SBF2: variants seen among roughly 807,000 people sequenced by gnomAD.
SBF2 encodes the protein myotubularin-related protein 13.
In SBF2, 112 loss-of-function variants were observed where a neutral mutation model predicts 225.2. The observed-to-expected ratio is 0.50, with a 90% confidence interval of 0.43 to 0.58. The LOEUF is 0.58. Ranked by LOEUF, SBF2 falls within the 20% of genes least tolerant of loss-of-function variation. SBF2 has a pLI of 0.00. For missense variants in SBF2, 1,996 were observed against 2,206.2 expected (o/e 0.90, Z 1.91); for synonymous variants, 763 against 773.3 (o/e 0.99, Z 0.22).
At chr11:9,950,518 G>C (rs1865798310) in intron 16 of SBF2, among the ~76,000 whole-genome samples, 1 of 152,182 alleles carries the variant, frequency 6.6e-6, no homozygotes, top group African/African-American at 2.4e-5. Flanking sequence ...AAAAAATACA[G>C]ATGTGTAAGC....
At chr11:9,783,097 G>C (rs1299022688) in intron 38 of SBF2, 1 of 119,676 alleles carries the variant, frequency 8.4e-6, no homozygotes, top group Non-Finnish European at 1.9e-5. Flanking sequence ...TGTTAAAGAA[G>C]TCCAGAAGAC....
intron 16 of SBF2, among the ~76,000 whole-genome samples, chr11:9,910,890 C>CAAAA (rs68011518): frequency 0.12 from 10,774 of 93,250 alleles, 693 homozygotes; most frequent in Non-Finnish European, 0.16. Flanking sequence ...TACTAAAATA[C>CAAAA]AAAAAAAAAA....
chr11:10,158,558 T>C (rs1053356267), intron 2 of SBF2, among the ~76,000 whole-genome samples: 2 of 152,056 alleles, frequency 1.3e-5, no homozygotes, highest in Non-Finnish European at 2.9e-5. Context: ...TGCAAACAAA[T>C]TGAATAACCT....
chr11:9,785,570 A>C (rs2133850797), intron 36 of SBF2, among the ~76,000 whole-genome samples: 1 of 152,288 alleles, frequency 6.6e-6, no homozygotes, highest in Admixed American at 6.5e-5. Flanking sequence ...TTAAAAAATG[A>C]TGCTGCTATG....
At chr11:10,095,739 C>T (rs1951990463) in intron 2 of SBF2, among the ~76,000 whole-genome samples, 1 of 152,144 alleles carries the variant, frequency 6.6e-6, no homozygotes, top group African/African-American at 2.4e-5. Flanking sequence ...ATTTTAATCA[C>T]ACATACTGAT....
chr11:9,814,062 T>C (rs1239756577), intron 29 of SBF2, among the ~76,000 whole-genome samples: 1 of 152,244 alleles, frequency 6.6e-6, no homozygotes, highest in African/African-American at 2.4e-5. Context: ...CTCATTTACA[T>C]CTTTAATCCT....
chr11:9,904,488 A>G (rs1861968948), intron 16 of SBF2, among the ~76,000 whole-genome samples: 1 of 152,234 alleles, frequency 6.6e-6, no homozygotes. Context: ...AAAAACAGAT[A>G]AATTTACAAT....
chr11:10,091,068 C>T (rs1181377575), intron 2 of SBF2, among the ~76,000 whole-genome samples: 1 of 152,080 alleles, frequency 6.6e-6, no homozygotes, highest in African/African-American at 2.4e-5. Context: ...CACAGAATAC[C>T]TACTATACTC....
chr11:10,009,419 C>A (rs1948345291), intron 6 of SBF2, among the ~76,000 whole-genome samples: 1 of 152,104 alleles, frequency 6.6e-6, no homozygotes, highest in South Asian at 2.1e-4. Context: ...CCCTCCCCAC[C>A]CCCTGACAGG....
At chr11:9,891,442 C>G (rs1277787499) in intron 17 of SBF2, among the ~76,000 whole-genome samples, 1 of 152,146 alleles carries the variant, frequency 6.6e-6, no homozygotes, top group Non-Finnish European at 1.5e-5. Flanking sequence ...AACGATTCCT[C>G]TACTGTCAAC....
intron 2 of SBF2, among the ~76,000 whole-genome samples, chr11:10,075,662 C>T (rs1951069654): frequency 6.6e-6 from 1 of 152,084 alleles, no homozygotes; most frequent in South Asian, 2.1e-4. Flanking sequence ...TTCCTCTTTG[C>T]CCTTCTGCCA....
intron 21 of SBF2, 83 bp from the exon 22 acceptor site, chr11:9,850,301 C>G: frequency 1.0e-5 from 13 of 1,298,784 alleles, no homozygotes; most frequent in Non-Finnish European, 1.4e-5. Flanking sequence ...TGTTGCCCAG[C>G]CTAGAATACA....
At position 9,790,862 on chromosome 11, in the gene SBF2, G is replaced by C. The variant is rs539995838; in HGVS notation, c.4571-179C>G. On this transcript the variant is annotated intron_variant, in intron 33 of 39. Coordinates refer to ENST00000256190, the MANE Select transcript of SBF2 (RefSeq NM_030962.4). ...GCTAAAGACCGGAATGAATTTCATC[G>C]CTACAGGGAAACAGATCCAGATGGA... 3 of 525,410 alleles carry C rather than the reference G, an allele frequency of 5.7e-6. No homozygotes were observed. In the South Asian group the frequency reaches 6.3e-5, roughly 11 times the overall value. The allele number at this position is 525,410 out of a possible 1,614,324, so 32.5% of individuals were successfully genotyped here. A position where few individuals can be genotyped will look rare whatever the true frequency, so the allele number is the denominator to read the frequency against.
chr11:10,237,997 A>G (rs955064319), intron 1 of SBF2, among the ~76,000 whole-genome samples: 1 of 152,230 alleles, frequency 6.6e-6, no homozygotes, highest in African/African-American at 2.4e-5. Flanking sequence ...TACTACGAAC[A>G]TCCTTATATA....
At chr11:10,140,758 G>C (rs1378598395) in intron 2 of SBF2, among the ~76,000 whole-genome samples, 4 of 152,088 alleles carry the variant, frequency 2.6e-5, no homozygotes, top group African/African-American at 7.2e-5. Flanking sequence ...TTGTGGGACT[G>C]AGTCCTTAAC....
chr11:10,029,566 AC>A (rs1403866493), intron 5 of SBF2, among the ~76,000 whole-genome samples, 198 bp downstream of exon 5: 3 of 152,226 alleles, frequency 2.0e-5, no homozygotes, highest in Non-Finnish European at 4.4e-5. Flanking sequence ...GTTAAAATTA[AC>A]CTCATGACCT....
intron 2 of SBF2, among the ~76,000 whole-genome samples, chr11:10,068,525 G>C (rs1253549683): frequency 6.6e-6 from 1 of 152,138 alleles, no homozygotes; most frequent in African/African-American, 2.4e-5. Context: ...TTTCAGACTT[G>C]CTATTTACTT....
At chr11:9,783,944 G>GT (rs1436437690) in intron 38 of SBF2, among the ~76,000 whole-genome samples, 1 of 152,168 alleles carries the variant, frequency 6.6e-6, no homozygotes, top group Non-Finnish European at 1.5e-5. Context: ...GAGGACGAAG[G>GT]TAACTTGTAT....
At chr11:10,127,213 A>G (rs953061814) in intron 2 of SBF2, among the ~76,000 whole-genome samples, 7 of 152,136 alleles carry the variant, frequency 4.6e-5, no homozygotes, top group Admixed American at 4.6e-4. Context: ...ATATTTTATC[A>G]TAATTTAAAA....
Sources: gnomAD v4.1 joint callset for allele counts (sites outside exome capture counted in the v4.1 genomes callset) on GRCh38, gnomAD v4.1.1 for gene constraint, MANE v1.5 for transcripts, NCBI Gene and HGNC (gene_info 2026-07-23, HGNC 2026-07-21) for gene names.